ICA1: variants seen among roughly 807,000 people sequenced by gnomAD.
ICA1 encodes the protein islet cell autoantigen 1.
ICA1 carries 40 observed loss-of-function variants against 71.0 expected under a neutral mutation model. The observed-to-expected ratio is 0.56, with a 90% CI of 0.44 to 0.73. ICA1 has a LOEUF of 0.73. Among genes scored for constraint, ICA1 ranks in the 30% least tolerant of loss-of-function variants. ICA1 has a pLI of 0.00. For missense variants in ICA1, 578 were observed against 576.5 expected (o/e 1.00, Z -0.03); for synonymous variants, 207 against 209.5 (o/e 0.99, Z 0.10).
intron 6 of ICA1, among the ~76,000 whole-genome samples, chr7:8,191,680 G>C (rs1420471845): frequency 6.6e-6 from 1 of 151,856 alleles, no homozygotes; most frequent in East Asian, 1.9e-4. Context: ...CTGTATATAT[G>C]TGTTATATAA....
chr7:8,148,798 AG>A (rs1797879524), intron 8 of ICA1, among the ~76,000 whole-genome samples: 1 of 152,196 alleles, frequency 6.6e-6, no homozygotes, highest in African/African-American at 2.4e-5. Flanking sequence ...TTCTTACAAA[AG>A]ATGGTATACA....
At position 8,228,480 on chromosome 7, in the gene ICA1, C is replaced by G. The variant is rs1270678269; in HGVS notation, c.256+121G>C. On this transcript the variant is annotated intron_variant, in intron 4 of 13. Transcript: ENST00000402384. The stretch of plus-strand genomic sequence containing the variant: ...GTAAAATTATTAGAGACTCTCCTCC[C>G]AACGCCTGAAGACACAGACAAACAC... 1.3e-4 allele frequency: 67 copies of G among 518,610 alleles called. No individual in the cohort carries two copies. In the East Asian group the frequency reaches 2.1e-3, roughly 16 times the overall value. The allele number at this position is 518,610 out of a possible 1,614,324, so 32.1% of individuals were successfully genotyped here.
chr7:8,225,330 T>C (rs898607324), intron 4 of ICA1, among the ~76,000 whole-genome samples: 3 of 152,258 alleles, frequency 2.0e-5, no homozygotes, highest in African/African-American at 7.2e-5. Context: ...TTTTATTCTA[T>C]GGGTTATAAT....
intron 6 of ICA1, among the ~76,000 whole-genome samples, chr7:8,197,035 C>G (rs990150333): frequency 6.6e-6 from 1 of 151,840 alleles, no homozygotes; most frequent in Non-Finnish European, 1.5e-5. Flanking sequence ...TACAAATTAC[C>G]CAGCCTTGGG....
intron 6 of ICA1, among the ~76,000 whole-genome samples, chr7:8,166,659 A>G (rs973404625): frequency 6.6e-6 from 1 of 152,234 alleles, no homozygotes; most frequent in Non-Finnish European, 1.5e-5. Flanking sequence ...AGTAAACTAA[A>G]GAGCTTCTGT....
chr7:8,122,948 G>A (rs1021636256), intron 13 of ICA1, among the ~76,000 whole-genome samples: 1 of 152,120 alleles, frequency 6.6e-6, no homozygotes, highest in East Asian at 1.9e-4. Context: ...TTGGAAATGG[G>A]TACAGAATTG....
At chr7:8,206,395 T>C (rs1791546036) in intron 6 of ICA1, among the ~76,000 whole-genome samples, 1 of 152,160 alleles carries the variant, frequency 6.6e-6, no homozygotes, top group South Asian at 2.1e-4. Flanking sequence ...TTCCCATCTT[T>C]GCCCCTAAAG....
chr7:8,255,976 T>C (rs949981633), intron 1 of ICA1, among the ~76,000 whole-genome samples: 1 of 151,538 alleles, frequency 6.6e-6, no homozygotes, highest in African/African-American at 2.4e-5. Context: ...GTTCTCACTA[T>C]GTTGCCCAGG....
intron 6 of ICA1, 79 bp from the exon 7 acceptor site, chr7:8,158,731 C>A: frequency 1.4e-6 from 2 of 1,384,088 alleles, no homozygotes; most frequent in South Asian, 2.6e-5. Flanking sequence ...AGACCAACAG[C>A]AGGCCTTTTC....
intron 6 of ICA1, among the ~76,000 whole-genome samples, chr7:8,165,502 T>C (rs1805589785): frequency 6.6e-6 from 1 of 152,084 alleles, no homozygotes; most frequent in Non-Finnish European, 1.5e-5. Flanking sequence ...CTATTCAACA[T>C]AATATTGGAA....
intron 6 of ICA1, among the ~76,000 whole-genome samples, chr7:8,161,560 G>A (rs913442700): frequency 3.3e-5 from 5 of 152,168 alleles, no homozygotes. Flanking sequence ...ACAAAACAAT[G>A]CCAGCCTGTT....
intron 6 of ICA1, among the ~76,000 whole-genome samples, chr7:8,170,156 C>T (rs776595279): frequency 1.1e-4 from 16 of 151,946 alleles, no homozygotes; most frequent in African/African-American, 2.4e-5. Flanking sequence ...CTTAACTTGG[C>T]TCTTTTGTGT....
Position 8,243,671 on chromosome 7 carries a change from T to C in ICA1, c.-79-7666A>G, listed in dbSNP as rs561464621. 2.6e-5 allele frequency among the ~76,000 whole-genome samples: 4 copies of C among 152,298 alleles called. No individual in the cohort carries two copies. The East Asian group carries it at 7.7e-4, about 29-fold the overall frequency. ...ATGATTGTATATTTAGAAAACCCCA[T>C]TGTCTCAGCCCCAAATCTCCTTAAG... On this transcript the variant is annotated intron_variant, in intron 1 of 13. Transcript: ENST00000402384.
At chr7:8,253,446 G>A (rs960118236) in intron 1 of ICA1, among the ~76,000 whole-genome samples, 5 of 152,066 alleles carry the variant, frequency 3.3e-5, no homozygotes, top group Non-Finnish European at 5.9e-5. Context: ...ACAATGTGAT[G>A]TAATATATAC....
At chr7:8,187,510 C>T (rs1032056816) in intron 6 of ICA1, among the ~76,000 whole-genome samples, 20 of 152,330 alleles carry the variant, frequency 1.3e-4, no homozygotes, top group African/African-American at 4.8e-4. Context: ...CATTACTGTA[C>T]ACTACTTTAG....
intron 6 of ICA1, among the ~76,000 whole-genome samples, chr7:8,217,688 T>C (rs1053779123): frequency 1.3e-5 from 2 of 152,220 alleles, no homozygotes; most frequent in Non-Finnish European, 2.9e-5. Flanking sequence ...TATTCTTGTA[T>C]GACAAAATCA....
chr7:8,210,740 G>T lies in ICA1; in HGVS notation c.579+7565C>A, dbSNP rs748672932. 7.3e-4 allele frequency among the ~76,000 whole-genome samples: 111 copies of T among 151,900 alleles called. 1 individual carries two copies. Among genetic ancestry groups the T allele is most frequent in the Non-Finnish European group, 1.3e-3 (87 of 67,966 alleles). ...TTTAATGTTTTATTTTTTGAAACGG[G>T]GTCTCACTCTGTCTCCCAGGCTGGA... is the stretch of plus-strand genomic sequence containing the variant. On this transcript the variant is annotated intron_variant, in intron 6 of 13. Transcript: ENST00000402384.
chr7:8,195,649 T>C (rs188681309), intron 6 of ICA1, among the ~76,000 whole-genome samples: 89 of 152,292 alleles, frequency 5.8e-4, no homozygotes, highest in Non-Finnish European at 5.7e-4. Flanking sequence ...TCTTACCATA[T>C]GATCTAGCAA....
At chr7:8,160,952 G>T (rs1803539346) in intron 6 of ICA1, among the ~76,000 whole-genome samples, 1 of 152,194 alleles carries the variant, frequency 6.6e-6, no homozygotes, top group African/African-American at 2.4e-5. Flanking sequence ...GTCTGGAGGG[G>T]AAGATGTTCA....
Sources: gnomAD v4.1 joint callset for allele counts (sites outside exome capture counted in the v4.1 genomes callset) on GRCh38, gnomAD v4.1.1 for gene constraint, MANE v1.5 for transcripts, NCBI Gene and HGNC (gene_info 2026-07-23, HGNC 2026-07-21) for gene names.